The following ATP8A2 variants were observed in gnomAD, a reference collection of about 807,000 sequenced individuals.
The protein encoded by ATP8A2 is phospholipid-transporting ATPase IB.
In ATP8A2, 100 loss-of-function variants were observed where a neutral mutation model predicts 165.6. The ratio of observed to expected loss-of-function variants is 0.60; its 90% CI spans 0.51 to 0.71. The LOEUF is 0.71. Among genes scored for constraint, ATP8A2 ranks in the 30% least tolerant of loss-of-function variants. The pLI, the probability that ATP8A2 is intolerant of heterozygous loss-of-function variation, is 0.00. For synonymous variants in ATP8A2, 543 were observed against 548.8 expected (o/e 0.99, Z 0.15); for missense variants, 1,227 against 1,479.5 (o/e 0.83, Z 2.80).
intron 35 of ATP8A2, among the ~76,000 whole-genome samples, chr13:25,978,666 G>A (rs369400311): frequency 6.6e-6 from 1 of 152,176 alleles, no homozygotes. Context: ...GAGAGGCCGG[G>A]CGCGGTGGCT....
intron 33 of ATP8A2, among the ~76,000 whole-genome samples, chr13:25,945,733 C>T (rs1043423598): frequency 6.6e-6 from 1 of 152,106 alleles, no homozygotes; most frequent in Admixed American, 6.5e-5. Flanking sequence ...AATGTCTCAT[C>T]AAGGGGTCCC....
chr13:25,824,883 A>G (rs966994723), intron 27 of ATP8A2, among the ~76,000 whole-genome samples: 1 of 152,114 alleles, frequency 6.6e-6, no homozygotes, highest in African/African-American at 2.4e-5. Context: ...GAATCCATCC[A>G]GGATTCAACC....
intron 35 of ATP8A2, among the ~76,000 whole-genome samples, chr13:25,973,659 G>A (rs952811046): frequency 2.0e-5 from 3 of 152,144 alleles, no homozygotes; most frequent in Non-Finnish European, 4.4e-5. Flanking sequence ...GATCTTTAAC[G>A]GAAATCCTTT....
chr13:25,850,082 G>A (rs1325772959), intron 30 of ATP8A2, among the ~76,000 whole-genome samples: 1 of 152,168 alleles, frequency 6.6e-6, no homozygotes, highest in African/African-American at 2.4e-5. Flanking sequence ...TCTCATCTCA[G>A]CCCTCACCAG....
At chr13:25,529,237 G>A (rs538902523) in intron 2 of ATP8A2, among the ~76,000 whole-genome samples, 1 of 152,294 alleles carries the variant, frequency 6.6e-6, no homozygotes, top group South Asian at 2.1e-4. Flanking sequence ...TGAATAAAAT[G>A]TGTGAGCAGC....
chr13:25,860,741 C>G (rs566103146), intron 31 of ATP8A2, 63 bp from the exon 32 acceptor site: 1 of 1,330,056 alleles, frequency 7.5e-7, no homozygotes, highest in African/African-American at 1.4e-5. Flanking sequence ...TGGGATTTCT[C>G]ATGGAAAGTG....
intron 2 of ATP8A2, among the ~76,000 whole-genome samples, chr13:25,486,270 C>T (rs1453008739): frequency 6.6e-6 from 1 of 152,018 alleles, no homozygotes; most frequent in Admixed American, 6.6e-5. Flanking sequence ...CTGGTGTTTG[C>T]CATAGAGTTA....
At chr13:25,738,514 G>C (rs945318961) in intron 25 of ATP8A2, among the ~76,000 whole-genome samples, 2 of 152,250 alleles carry the variant, frequency 1.3e-5, no homozygotes, top group Non-Finnish European at 2.9e-5. Context: ...ATTGGAAGGA[G>C]GTGGAGAGCG....
intron 25 of ATP8A2, among the ~76,000 whole-genome samples, chr13:25,763,397 A>T (rs557850802): frequency 4.6e-5 from 7 of 152,304 alleles, no homozygotes; most frequent in African/African-American, 1.2e-4. Context: ...TTCCTCAGTT[A>T]CAGCTCCTCG....
chr13:25,484,900 TG>T (rs1243193520), intron 2 of ATP8A2, among the ~76,000 whole-genome samples: 1 of 152,256 alleles, frequency 6.6e-6, no homozygotes, highest in Admixed American at 6.5e-5. Flanking sequence ...AAAGTATTGC[TG>T]TCTAGCATAT....
At chr13:25,712,580 G>GA (rs1427157679) in intron 25 of ATP8A2, among the ~76,000 whole-genome samples, 2 of 152,166 alleles carry the variant, frequency 1.3e-5, no homozygotes, top group Non-Finnish European at 2.9e-5. Flanking sequence ...TAATCCTGTG[G>GA]ATTTGCTGAA....
At chr13:25,786,003 T>G (rs1179061190) in intron 27 of ATP8A2, among the ~76,000 whole-genome samples, 1 of 152,348 alleles carries the variant, frequency 6.6e-6, no homozygotes, top group Non-Finnish European at 1.5e-5. Flanking sequence ...AGGTGTGAGA[T>G]GTAGATTTTG....
In ATP8A2 at chr13:25,949,919, C is replaced by T. The variant is rs1308381153; in HGVS notation, c.3184-11656C>T. ...GAATCAAGCAATTCTCCTGCCTCAG[C>T]CCCCCAGATAGCTGAGACTATAGGC... On this transcript the variant is annotated intron_variant, in intron 33 of 36. Transcript: ENST00000381655. Among the ~76,000 whole-genome samples the T allele has an allele frequency of 2.0e-5, 3 of 152,222 alleles. No homozygotes were observed. The East Asian group carries it at 5.8e-4, about 29-fold the overall frequency.
intron 24 of ATP8A2, among the ~76,000 whole-genome samples, chr13:25,660,759 C>A (rs2042033389): frequency 6.6e-6 from 1 of 152,134 alleles, no homozygotes; most frequent in South Asian, 2.1e-4. Flanking sequence ...GGGGCTGTCA[C>A]AACAACTTGG....
chr13:25,817,438 G>T (rs570637488), intron 27 of ATP8A2, among the ~76,000 whole-genome samples: 6 of 151,586 alleles, frequency 4.0e-5, no homozygotes, highest in African/African-American at 1.5e-4. Context: ...ATTTTATAAC[G>T]CTGAGAAATG....
intron 1 of ATP8A2, among the ~76,000 whole-genome samples, chr13:25,384,170 G>A (rs2032955829): frequency 6.6e-6 from 1 of 152,198 alleles, no homozygotes; most frequent in South Asian, 2.1e-4. Flanking sequence ...CAGATTTGCT[G>A]ATGAGCATAG....
chr13:25,503,188 C>T (rs997554894), intron 2 of ATP8A2, among the ~76,000 whole-genome samples: 1 of 152,160 alleles, frequency 6.6e-6, no homozygotes, highest in Non-Finnish European at 1.5e-5. Flanking sequence ...CAGGGACTTA[C>T]GCAAAGTTGT....
chr13:25,531,253 GATATATATGATATATATGAT>G (rs1566229138), intron 4 of ATP8A2, among the ~76,000 whole-genome samples: 26 of 18,870 alleles, frequency 1.4e-3, no homozygotes, highest in Admixed American at 5.5e-3. Flanking sequence ...TGTTATATAT[GATATATATGATATATATGAT>G]ATATATGTTA....
At chr13:25,696,483 C>T (rs1385507173) in intron 24 of ATP8A2, among the ~76,000 whole-genome samples, 1 of 152,210 alleles carries the variant, frequency 6.6e-6, no homozygotes, top group African/African-American at 2.4e-5. Flanking sequence ...TCAGTGAAGC[C>T]ACCTTCATCA....
Sources: allele counts gnomAD v4.1 joint callset (sites outside exome capture counted in the v4.1 genomes callset), GRCh38; gene constraint gnomAD v4.1.1; transcripts MANE v1.5; gene names NCBI Gene and HGNC (gene_info 2026-07-23, HGNC 2026-07-21).